ZNF474: variants seen among roughly 807,000 people sequenced by gnomAD.
ZNF474 encodes 4933409D10Rik.
For missense variants in ZNF474, 511 were observed against 433.8 expected (o/e 1.18, Z -1.58); for synonymous variants, 192 against 162.2 (o/e 1.18, Z -1.39).
At position 122,133,309 on chromosome 5, in the gene ZNF474, GTT is replaced by G. The variant is rs370090995; in HGVS notation, c.-213+3628_-213+3629del. Among the ~76,000 whole-genome samples, 557 of 152,172 alleles carry G rather than the reference GTT, an allele frequency of 3.7e-3. 3 individuals carry two copies. The highest frequency in any genetic ancestry group is 5.5e-3 in the Non-Finnish European group (372 of 67,986). On this transcript the variant is annotated intron_variant, in intron 1 of 1. Coordinates refer to ENST00000296600, the MANE Select transcript of ZNF474 (RefSeq NM_207317.3). ...AAACATTATTTATAACATCAGCTCT[GTT>G]TCCTGTTTAACAGTATATTTCTCAC...
chr5:122,149,642 C>A (rs1756110698), intron 1 of ZNF474, among the ~76,000 whole-genome samples: 1 of 152,116 alleles, frequency 6.6e-6, no homozygotes, highest in Non-Finnish European at 1.5e-5. Flanking sequence ...CAGTCTTGGG[C>A]AAATTACTTG....
At chr5:122,150,533 G>T (rs905029316) in intron 1 of ZNF474, among the ~76,000 whole-genome samples, 5 of 152,200 alleles carry the variant, frequency 3.3e-5, no homozygotes, top group African/African-American at 1.2e-4. Flanking sequence ...TTGCCGTGAT[G>T]TAGAGGATCC....
At chr5:122,131,596 G>GA (rs992321317) in intron 1 of ZNF474, among the ~76,000 whole-genome samples, 1 of 150,380 alleles carries the variant, frequency 6.6e-6, no homozygotes, top group Non-Finnish European at 1.5e-5. Flanking sequence ...TATATGTGGG[G>GA]AAAAAAAAAG....
intron 1 of ZNF474, among the ~76,000 whole-genome samples, chr5:122,133,089 A>G (rs1293751607): frequency 6.6e-6 from 1 of 152,216 alleles, no homozygotes; most frequent in African/African-American, 2.4e-5. Flanking sequence ...TATAGTTATA[A>G]TCTTATTCAG....
chr5:122,142,799 C>CA (rs1755882223), intron 1 of ZNF474, among the ~76,000 whole-genome samples: 1 of 152,142 alleles, frequency 6.6e-6, no homozygotes, highest in Admixed American at 6.5e-5. Context: ...AGAACAGCAA[C>CA]AAAAAGCCCA....
At chr5:122,151,484 T>C (rs1756170134) in intron 1 of ZNF474, among the ~76,000 whole-genome samples, 2 of 152,110 alleles carry the variant, frequency 1.3e-5, no homozygotes, top group Admixed American at 1.3e-4. Flanking sequence ...CTTTGCGTCT[T>C]CTGTATCTAT....
intron 1 of ZNF474, among the ~76,000 whole-genome samples, chr5:122,136,016 G>A (rs1432681176): frequency 2.0e-5 from 3 of 152,082 alleles, no homozygotes; most frequent in Admixed American, 6.6e-5. Context: ...TGAATAAATA[G>A]GGGTTGGTTA....
chr5:122,149,000 G>A (rs1399010069), intron 1 of ZNF474, among the ~76,000 whole-genome samples: 1 of 152,040 alleles, frequency 6.6e-6, no homozygotes, highest in Non-Finnish European at 1.5e-5. Context: ...AAAGTGCTGG[G>A]ATTACAGGCA....
chr5:122,151,677 G>C, intron 1 of ZNF474, 102 bp from the exon 2 acceptor site: 1 of 179,786 alleles, frequency 5.6e-6, no homozygotes, highest in Admixed American at 5.8e-5. Flanking sequence ...CAAAAAAAAA[G>C]CACACACACA....
intron 1 of ZNF474, among the ~76,000 whole-genome samples, chr5:122,151,290 A>T (rs1756162278): frequency 6.6e-6 from 1 of 152,222 alleles, no homozygotes; most frequent in South Asian, 2.1e-4. Context: ...TGAGAAGTGC[A>T]TAGGCTTCAC....
At chr5:122,137,542 G>A (rs556806714) in intron 1 of ZNF474, among the ~76,000 whole-genome samples, 3 of 144,230 alleles carry the variant, frequency 2.1e-5, no homozygotes, top group African/African-American at 5.2e-5. Flanking sequence ...AAATAAGAAA[G>A]CTAAGCAAAG....
chr5:122,148,729 CTTTTTTTTCTT>C (rs984138115), intron 1 of ZNF474, among the ~76,000 whole-genome samples: 3 of 151,670 alleles, frequency 2.0e-5, no homozygotes, highest in Admixed American at 6.6e-5. Flanking sequence ...AAAAGTGATT[CTTTTTTTTCTT>C]TTTTTTTTCT....
Position 122,141,145 on chromosome 5 carries a change from ATTTTATTTTAT to A in ZNF474, c.-212-10630_-212-10620del, listed in dbSNP as rs1257229618. Among the ~76,000 whole-genome samples, 38 of 41,150 alleles carry A rather than the reference ATTTTATTTTAT, an allele frequency of 9.2e-4. 2 individuals are homozygous for A. The South Asian group carries it at 0.027, about 30-fold the overall frequency. 27.0% of individuals were successfully genotyped at this position (41,150 alleles called of 152,430 possible). A position where few individuals can be genotyped will look rare whatever the true frequency, so the allele number is the denominator to read the frequency against. ...ATTTTATTTTATTTTATTTTATTTT[ATTTTATTTTAT>A]TTTATTTTATTTTATTTTTGGAAAC... is the stretch of plus-strand genomic sequence containing the variant. On this transcript the variant is annotated intron_variant, in intron 1 of 1. Coordinates refer to ENST00000296600, the MANE Select transcript of ZNF474 (RefSeq NM_207317.3).
At chr5:122,144,798 G>A (rs1369154009) in intron 1 of ZNF474, among the ~76,000 whole-genome samples, 1 of 151,918 alleles carries the variant, frequency 6.6e-6, no homozygotes, top group African/African-American at 2.4e-5. Flanking sequence ...ATATATTATA[G>A]GCCTCTAATG....
chr5:122,150,929 A>G (rs1756152895), intron 1 of ZNF474, among the ~76,000 whole-genome samples: 1 of 152,240 alleles, frequency 6.6e-6, no homozygotes, highest in Non-Finnish European at 1.5e-5. Flanking sequence ...ATCTGCAGAT[A>G]TCCCACCAGG....
Position 122,152,890 on chromosome 5 carries a change from G to C in ZNF474, c.900G>C (p.Leu300=), listed in dbSNP as rs1756235288. 6.2e-7 allele frequency: 1 copy of C among 1,613,924 alleles called. No homozygotes were observed. The highest frequency in any genetic ancestry group is 1.3e-5 in the African/African-American group (1 of 74,868). The change falls in exon 2 of 2, where the codon CTG becomes CTC. Residue 300 remains leucine, a synonymous_variant. Coordinates refer to ENST00000296600, the MANE Select transcript of ZNF474 (RefSeq NM_207317.3). ...CSRIFTSDRL[L]VHQRSCKTHP... ...GAATCTTTACCTCAGACCGCCTCCT[G>C]GTACACCAGAGAAGTTGTAAAACTC...
intron 1 of ZNF474, among the ~76,000 whole-genome samples, chr5:122,135,169 A>AT (rs1755670772): frequency 6.6e-6 from 1 of 152,168 alleles, no homozygotes; most frequent in South Asian, 2.1e-4. Flanking sequence ...CAAATTATAC[A>AT]TTTTTAAAAT....
chr5:122,148,112 C>T (rs1263752117), intron 1 of ZNF474: 1 of 152,212 alleles, frequency 6.6e-6, no homozygotes. Context: ...TAAGTATATG[C>T]ATTTAGTATT....
chr5:122,131,900 G>A (rs960474393), intron 1 of ZNF474, among the ~76,000 whole-genome samples: 14 of 151,978 alleles, frequency 9.2e-5, no homozygotes, highest in African/African-American at 3.4e-4. Context: ...CCCATTTTAA[G>A]TACAAAATTT....
Sources: gnomAD v4.1 joint callset for allele counts (sites outside exome capture counted in the v4.1 genomes callset) on GRCh38, gnomAD v4.1.1 for gene constraint, MANE v1.5 for transcripts, NCBI Gene and HGNC (gene_info 2026-07-23, HGNC 2026-07-21) for gene names.